The following LAMA2 variants were observed in gnomAD, a reference collection of about 807,000 sequenced individuals.
LAMA2 encodes laminin subunit alpha 2.
A neutral mutation model predicts 364.8 loss-of-function variants in LAMA2; 269 were observed. The observed-to-expected ratio is 0.74, with a 90% CI of 0.67 to 0.82. The LOEUF (loss-of-function observed/expected upper bound fraction) is 0.82, where lower values mean the gene tolerates loss of function less well. Among genes scored for constraint, LAMA2 ranks in the 40% least tolerant of loss-of-function variants. The pLI, the probability that LAMA2 is intolerant of heterozygous loss-of-function variation, is 0.00. For synonymous variants in LAMA2, 1,379 were observed against 1,370.6 expected, an observed-to-expected ratio of 1.01 and a Z score of -0.14; for missense variants, 3,807 against 3,873.2, an observed-to-expected ratio of 0.98 and a Z score of 0.45.
At chr6:128,986,412 T>C (rs1189147746) in intron 1 of LAMA2, among the ~76,000 whole-genome samples, 1 of 152,194 alleles carries the variant, frequency 6.6e-6, no homozygotes, top group Non-Finnish European at 1.5e-5. Flanking sequence ...TCTAGGTCTT[T>C]TCAGTGGATC....
At chr6:129,324,660 T>C (rs1775165941) in intron 28 of LAMA2, among the ~76,000 whole-genome samples, 1 of 152,228 alleles carries the variant, frequency 6.6e-6, no homozygotes, top group Admixed American at 6.5e-5. Flanking sequence ...TGGGATAGCC[T>C]GTTGCTCCTA....
rs1780773828 is a variant in LAMA2 at position 129,416,087 on chromosome 6, T to C, written c.5866-11665T>C. Among the ~76,000 whole-genome samples the C allele has an allele frequency of 3.2e-5, 3 of 93,696 alleles. 1 individual carries two copies. The South Asian group carries it at 1.3e-3, about 40-fold the overall frequency. 61.5% of individuals were successfully genotyped at this position (93,696 alleles called of 152,430 possible). ...CCTCAGCCTCCCAAGTAGCTGGGAC[T>C]ACAGGCGCCCGCCACTACGCCCGGC... On this transcript the variant is annotated intron_variant, in intron 40 of 64. Transcript: ENST00000421865.
At chr6:129,507,400 C>A in intron 61 of LAMA2, 89 bp from the exon 62 acceptor site, 2 of 1,369,284 alleles carry the variant, frequency 1.5e-6, no homozygotes, top group Non-Finnish European at 2.1e-6. Flanking sequence ...TAACTACACA[C>A]ATAGAGCACC....
chr6:129,516,054 C>G lies in LAMA2; in HGVS notation c.9212-136C>G, dbSNP rs1187581971. ...TTTCTCTACAATTCTATTAGTAAGG[C>G]TAAAAACAAAACCACTAACTTTGCA... On this transcript the variant is annotated intron_variant, in intron 64 of 64. Transcript: ENST00000421865. The G allele has an allele frequency of 1.2e-5, 12 of 1,028,666 alleles. No individual in the cohort carries two copies. The East Asian group carries it at 2.9e-4, about 24-fold the overall frequency. The allele number at this position is 1,028,666 out of a possible 1,614,324, so 63.7% of individuals were successfully genotyped here.
chr6:129,353,738 T>C (rs1045534491), intron 32 of LAMA2, among the ~76,000 whole-genome samples: 2 of 152,224 alleles, frequency 1.3e-5, no homozygotes, highest in Non-Finnish European at 1.5e-5. Flanking sequence ...CCTGAATTTG[T>C]AATCGACTGG....
At chr6:128,972,944 G>T (rs1047881819) in intron 1 of LAMA2, among the ~76,000 whole-genome samples, 1 of 151,932 alleles carries the variant, frequency 6.6e-6, no homozygotes, top group East Asian at 1.9e-4. Context: ...ACTTTGATTT[G>T]GTTTAAATAT....
intron 37 of LAMA2, among the ~76,000 whole-genome samples, chr6:129,396,523 G>T (rs1275286226): frequency 6.6e-6 from 1 of 152,146 alleles, no homozygotes; most frequent in Non-Finnish European, 1.5e-5. Flanking sequence ...GAAGGCTCTG[G>T]AATTTGGAGC....
chr6:129,323,251 T>C (rs927209398), intron 28 of LAMA2, among the ~76,000 whole-genome samples: 1 of 152,212 alleles, frequency 6.6e-6, no homozygotes, highest in African/African-American at 2.4e-5. Context: ...CAGTAACATA[T>C]GCTTTGGGTC....
chr6:129,361,437 G>A (rs931075972), intron 32 of LAMA2, among the ~76,000 whole-genome samples: 1 of 152,226 alleles, frequency 6.6e-6, no homozygotes, highest in Non-Finnish European at 1.5e-5. Context: ...AACAACAAGT[G>A]CATACACTCT....
At chr6:129,173,271 T>G (rs1048225400) in intron 9 of LAMA2, among the ~76,000 whole-genome samples, 10 of 152,234 alleles carry the variant, frequency 6.6e-5, no homozygotes, top group African/African-American at 2.4e-4. Context: ...CACCATTACA[T>G]ATTGCCTATT....
intron 49 of LAMA2, among the ~76,000 whole-genome samples, chr6:129,460,662 A>T (rs1464547966): frequency 6.6e-6 from 1 of 151,928 alleles, no homozygotes; most frequent in Non-Finnish European, 1.5e-5. Context: ...TGAGTACCTC[A>T]TTGTTATAAT....
intron 1 of LAMA2, among the ~76,000 whole-genome samples, chr6:128,901,935 A>G (rs1777109785): frequency 6.6e-6 from 1 of 152,248 alleles, no homozygotes; most frequent in African/African-American, 2.4e-5. Flanking sequence ...AGAACTGGCC[A>G]AGACTGGGCA....
intron 60 of LAMA2, among the ~76,000 whole-genome samples, chr6:129,504,054 A>T (rs1206708545): frequency 6.6e-6 from 1 of 152,222 alleles, no homozygotes; most frequent in African/African-American, 2.4e-5. Flanking sequence ...AGGTAGACCA[A>T]TAAAATTTTT....
intron 1 of LAMA2, among the ~76,000 whole-genome samples, chr6:129,041,177 A>G (rs1423797965): frequency 6.6e-6 from 1 of 152,200 alleles, no homozygotes; most frequent in African/African-American, 2.4e-5. Context: ...CACCTAGAGG[A>G]ACATTGCCTG....
chr6:129,125,886 A>G (rs1777087085), intron 4 of LAMA2, among the ~76,000 whole-genome samples: 1 of 152,192 alleles, frequency 6.6e-6, no homozygotes, highest in Non-Finnish European at 1.5e-5. Context: ...ATATTATAAC[A>G]TCACTTTGTA....
chr6:129,145,895 A>G (rs1287797335), intron 5 of LAMA2, among the ~76,000 whole-genome samples: 1 of 152,002 alleles, frequency 6.6e-6, no homozygotes, highest in Non-Finnish European at 1.5e-5. Flanking sequence ...TTAAGCAAAT[A>G]TCTCTATTTG....
intron 1 of LAMA2, among the ~76,000 whole-genome samples, chr6:128,887,376 G>A (rs1408550728): frequency 6.6e-6 from 1 of 151,872 alleles, no homozygotes; most frequent in Non-Finnish European, 1.5e-5. Context: ...CAGATAAAAT[G>A]CATGGCATTT....
chr6:129,375,504 C>T (rs1297335877), intron 34 of LAMA2, among the ~76,000 whole-genome samples: 2 of 152,216 alleles, frequency 1.3e-5, no homozygotes, highest in African/African-American at 4.8e-5. Context: ...AATCTGGTAA[C>T]TAAATCCACT....
At chr6:128,902,535 G>A (rs1165889450) in intron 1 of LAMA2, among the ~76,000 whole-genome samples, 1 of 152,150 alleles carries the variant, frequency 6.6e-6, no homozygotes, top group Admixed American at 6.5e-5. Context: ...ATTATGACAT[G>A]TGGGGCCAAA....
Sources: gnomAD v4.1 joint callset for allele counts (sites outside exome capture counted in the v4.1 genomes callset) on GRCh38, gnomAD v4.1.1 for gene constraint, MANE v1.5 for transcripts, NCBI Gene and HGNC (gene_info 2026-07-23, HGNC 2026-07-21) for gene names.